The following B3GALT1 variants were observed in gnomAD, a reference collection of about 807,000 sequenced individuals.
B3GALT1 encodes UDP-Gal:betaGlcNAc beta 1,3-galactosyltransferase, polypeptide 1.
B3GALT1 carries 10 observed loss-of-function variants against 23.2 expected under a neutral mutation model. The ratio of observed to expected loss-of-function variants is 0.43; its 90% CI spans 0.27 to 0.73. B3GALT1 has a LOEUF of 0.73. Ranked by LOEUF, B3GALT1 falls within the 30% of genes least tolerant of loss-of-function variation. B3GALT1 has a pLI of 0.21. For missense variants in B3GALT1, 299 were observed against 405.4 expected (o/e 0.74, Z 2.25); for synonymous variants, 156 against 141.5 (o/e 1.10, Z -0.73).
At chr2:167,402,022 C>T (rs1379560303) in intron 1 of B3GALT1, among the ~76,000 whole-genome samples, 2 of 152,088 alleles carry the variant, frequency 1.3e-5, no homozygotes, top group African/African-American at 4.8e-5. Context: ...ATAAAAGGTT[C>T]TGAGTGAGCA....
At chr2:167,489,930 C>T (rs1350606336) in intron 1 of B3GALT1, among the ~76,000 whole-genome samples, 1 of 151,956 alleles carries the variant, frequency 6.6e-6, no homozygotes, top group African/African-American at 2.4e-5. Flanking sequence ...GTAAAGACAT[C>T]ATTTATTCAA....
chr2:167,782,411 A>G (rs941569864), intron 3 of B3GALT1, among the ~76,000 whole-genome samples: 2 of 152,206 alleles, frequency 1.3e-5, no homozygotes, highest in African/African-American at 4.8e-5. Context: ...AGGGGCCAGG[A>G]GTCAAGACCT....
chr2:167,366,465 C>T (rs1697585808), intron 1 of B3GALT1, among the ~76,000 whole-genome samples: 1 of 152,142 alleles, frequency 6.6e-6, no homozygotes, highest in Non-Finnish European at 1.5e-5. Flanking sequence ...AAACTGGGAA[C>T]ACCAATAGCC....
intron 2 of B3GALT1, among the ~76,000 whole-genome samples, chr2:167,560,686 A>G (rs1683962652): frequency 6.6e-6 from 1 of 151,854 alleles, no homozygotes; most frequent in Non-Finnish European, 1.5e-5. Flanking sequence ...CTTTAAACCA[A>G]CAAAGATCAA....
chr2:167,656,397 T>C (rs901241943), intron 3 of B3GALT1, among the ~76,000 whole-genome samples: 23 of 152,178 alleles, frequency 1.5e-4, no homozygotes, highest in African/African-American at 5.5e-4. Context: ...ATAATGCTCA[T>C]TGTGGAAAAG....
At chr2:167,473,591 G>A (rs1699448808) in intron 1 of B3GALT1, among the ~76,000 whole-genome samples, 1 of 152,036 alleles carries the variant, frequency 6.6e-6, no homozygotes. Flanking sequence ...CTGCCACCTG[G>A]AGCCAAGGTT....
At chr2:167,562,808 G>A (rs1430544196) in intron 2 of B3GALT1, among the ~76,000 whole-genome samples, 1 of 152,024 alleles carries the variant, frequency 6.6e-6, no homozygotes, top group Non-Finnish European at 1.5e-5. Flanking sequence ...CTTCCGCAGT[G>A]TTTGTGTCCC....
intron 3 of B3GALT1, among the ~76,000 whole-genome samples, chr2:167,740,809 A>G (rs139463017): frequency 6.6e-5 from 10 of 152,284 alleles, no homozygotes; most frequent in African/African-American, 2.2e-4. Flanking sequence ...GCTCTATCCT[A>G]AGTCAAAACT....
chr2:167,676,554 C>CACACACACAT (rs1553478068), intron 3 of B3GALT1, among the ~76,000 whole-genome samples: 1 of 126,288 alleles, frequency 7.9e-6, no homozygotes, highest in Non-Finnish European at 1.6e-5. Flanking sequence ...CACACACACA[C>CACACACACAT]ATATATATGT....
intron 1 of B3GALT1, among the ~76,000 whole-genome samples, chr2:167,467,877 C>T (rs577535142): frequency 5.9e-5 from 9 of 152,042 alleles, no homozygotes; most frequent in Admixed American, 2.0e-4. Flanking sequence ...CTAGCGTGTG[C>T]CAGACACTGT....
intron 3 of B3GALT1, among the ~76,000 whole-genome samples, chr2:167,761,897 G>C (rs1285624576): frequency 2.0e-5 from 3 of 152,138 alleles, no homozygotes; most frequent in African/African-American, 7.2e-5. Context: ...AAATGTCCAA[G>C]TTCTAAATAA....
chr2:167,804,974 C>G (rs2105344871), intron 3 of B3GALT1, among the ~76,000 whole-genome samples: 1 of 152,328 alleles, frequency 6.6e-6, no homozygotes, highest in Admixed American at 6.5e-5. Flanking sequence ...TTCTGCACAT[C>G]CTCTCCAGCA....
In B3GALT1 at chr2:167,716,035, A is replaced by G. The variant is rs1448535209; in HGVS notation, c.-352+69069A>G. The G allele has an allele frequency of 3.7e-6, 6 of 1,607,134 alleles. No homozygotes were observed. The Admixed American group carries it at 5.0e-5, about 13-fold the overall frequency. On this transcript the variant is annotated intron_variant, in intron 3 of 4. Transcript: ENST00000392690. Reference sequence around the variant, plus strand: ...AGCTCCTCCAGGACCAGCCCCAAGTAGGGCCGAGCGGTAGCGCCGGGCTCC... The same window carrying G: ...AGCTCCTCCAGGACCAGCCCCAAGTGGGGCCGAGCGGTAGCGCCGGGCTCC...
chr2:167,647,051 T>A (rs1685759132), intron 3 of B3GALT1, among the ~76,000 whole-genome samples, 85 bp downstream of exon 3: 1 of 152,126 alleles, frequency 6.6e-6, no homozygotes, highest in South Asian at 2.1e-4. Flanking sequence ...CCTTCCATAC[T>A]AGAAAATTGC....
chr2:167,844,754 C>A (rs770580787), intron 4 of B3GALT1, among the ~76,000 whole-genome samples: 1 of 152,192 alleles, frequency 6.6e-6, no homozygotes, highest in African/African-American at 2.4e-5. Flanking sequence ...CTGGCCAGAA[C>A]TCAGGGGAGG....
intron 1 of B3GALT1, among the ~76,000 whole-genome samples, chr2:167,474,511 A>T (rs1397124711): frequency 6.6e-6 from 1 of 152,134 alleles, no homozygotes; most frequent in African/African-American, 2.4e-5. Context: ...ATTCAAGGTA[A>T]TATTAGTCAA....
At chr2:167,564,280 A>G (rs1485382503) in intron 2 of B3GALT1, among the ~76,000 whole-genome samples, 1 of 145,972 alleles carries the variant, frequency 6.9e-6, no homozygotes, top group African/African-American at 2.6e-5. Context: ...CCGGGCAGAG[A>G]CGCTCCCCCC....
chr2:167,418,678 CTTTT>C (rs55702273), intron 1 of B3GALT1, among the ~76,000 whole-genome samples: 5 of 122,952 alleles, frequency 4.1e-5, no homozygotes, highest in Admixed American at 8.2e-5. Context: ...ATTTCTTCCT[CTTTT>C]TTTTTTTTTT....
intron 3 of B3GALT1, among the ~76,000 whole-genome samples, chr2:167,773,464 T>C (rs1432879389): frequency 2.0e-5 from 3 of 152,150 alleles, no homozygotes; most frequent in African/African-American, 7.2e-5. Flanking sequence ...AAAAGATTCA[T>C]AAAATAATAA....
Sources: allele counts gnomAD v4.1 joint callset (sites outside exome capture counted in the v4.1 genomes callset), GRCh38; gene constraint gnomAD v4.1.1; transcripts MANE v1.5; gene names NCBI Gene and HGNC (gene_info 2026-07-23, HGNC 2026-07-21).